Variants in PARD3B observed in about 807,000 individuals in gnomAD.
PARD3B encodes the protein par-3 family cell polarity regulator beta, also known as partitioning defective 3 homolog B.
Under a neutral mutation model 130.2 loss-of-function variants are expected in PARD3B, and 103 were observed. That is an observed-to-expected ratio of 0.79 (90% CI 0.67 to 0.93). PARD3B has a LOEUF of 0.93. PARD3B is among the 40% of genes least tolerant of loss of function. The probability of loss-of-function intolerance (pLI) is 0.00; values close to 1 mark genes in which losing one functional copy is unlikely to be tolerated. For missense variants in PARD3B, 1,609 were observed against 1,499.2 expected (o/e 1.07, Z -1.21); for synonymous variants, 583 against 553.2 (o/e 1.05, Z -0.76).
At chr2:205,354,543 C>G (rs576798752) in intron 18 of PARD3B, among the ~76,000 whole-genome samples, 1 of 152,082 alleles carries the variant, frequency 6.6e-6, no homozygotes, top group Non-Finnish European at 1.5e-5. Flanking sequence ...TTTCTGAACT[C>G]CTGGACTCAA....
intron 21 of PARD3B, among the ~76,000 whole-genome samples, chr2:205,527,838 AAC>A (rs2051406038): frequency 6.6e-6 from 1 of 152,234 alleles, no homozygotes; most frequent in African/African-American, 2.4e-5. Context: ...TCTTAGGAGT[AAC>A]ACAGAAGTTT....
chr2:204,747,000 T>C (rs576044340), intron 2 of PARD3B, among the ~76,000 whole-genome samples: 1 of 152,332 alleles, frequency 6.6e-6, no homozygotes, highest in East Asian at 1.9e-4. Flanking sequence ...CATTTGTCAA[T>C]TTTGGCTTTT....
Position 204,656,030 on chromosome 2 carries a change from A to C in PARD3B, c.121-30151A>C, listed in dbSNP as rs545979013. ...CTAGTCTGGGCCTTTTCTCATAGCA[A>C]AGGAAATGTTCTAAGAAGCAAGCAG... On this transcript the variant is annotated intron_variant, in intron 1 of 22. Transcript: ENST00000406610. Among the ~76,000 whole-genome samples the C allele has an allele frequency of 7.9e-5, 12 of 152,052 alleles. No individual in the cohort carries two copies. In the South Asian group the frequency reaches 1.9e-3, roughly 24 times the overall value.
At chr2:204,752,368 C>T (rs984254661) in intron 2 of PARD3B, among the ~76,000 whole-genome samples, 1 of 152,046 alleles carries the variant, frequency 6.6e-6, no homozygotes, top group African/African-American at 2.4e-5. Flanking sequence ...CATAAGTAAG[C>T]CCTCTGAAGT....
chr2:205,490,819 T>C (rs2049673793), intron 20 of PARD3B, among the ~76,000 whole-genome samples: 2 of 152,250 alleles, frequency 1.3e-5, no homozygotes, highest in South Asian at 4.1e-4. Flanking sequence ...TGGTGTGAGA[T>C]GGTATCTCAT....
intron 20 of PARD3B, among the ~76,000 whole-genome samples, chr2:205,453,038 G>A (rs2048158785): frequency 6.6e-6 from 1 of 152,194 alleles, no homozygotes; most frequent in East Asian, 1.9e-4. Context: ...GAAGAGGTTG[G>A]AAGGTATATG....
chr2:204,721,558 T>C (rs927724848), intron 2 of PARD3B, among the ~76,000 whole-genome samples: 1 of 152,160 alleles, frequency 6.6e-6, no homozygotes, highest in Non-Finnish European at 1.5e-5. Flanking sequence ...TTAAGAGCCA[T>C]TTATTTCTCA....
chr2:205,553,514 T>TAAA (rs1303111297), intron 22 of PARD3B, 111 bp downstream of exon 22: 1 of 1,041,676 alleles, frequency 9.6e-7, no homozygotes, highest in Admixed American at 2.2e-5. Flanking sequence ...GTTATAATTT[T>TAAA]GCCTTGCTGC....
At chr2:204,882,096 G>A (rs1427348792) in intron 2 of PARD3B, among the ~76,000 whole-genome samples, 1 of 152,088 alleles carries the variant, frequency 6.6e-6, no homozygotes, top group African/African-American at 2.4e-5. Flanking sequence ...ACCTGAACTG[G>A]AGCACAAAGC....
chr2:204,696,219 CA>C (rs2037603182), intron 2 of PARD3B, among the ~76,000 whole-genome samples: 1 of 151,862 alleles, frequency 6.6e-6, no homozygotes, highest in South Asian at 2.1e-4. Flanking sequence ...GTGAGAAAAA[CA>C]GCTGACCTTC....
chr2:204,820,071 C>A (rs1209137824), intron 2 of PARD3B, among the ~76,000 whole-genome samples: 1 of 98,422 alleles, frequency 1.0e-5, no homozygotes, highest in Non-Finnish European at 1.8e-5. Context: ...AAACAATAGA[C>A]TTTTTTTTTT....
intron 10 of PARD3B, among the ~76,000 whole-genome samples, chr2:205,152,154 T>C (rs1575972950): frequency 6.6e-6 from 1 of 152,210 alleles, no homozygotes; most frequent in African/African-American, 2.4e-5. Context: ...GGGCTTCCCT[T>C]TGTGGGTAAC....
intron 1 of PARD3B, among the ~76,000 whole-genome samples, chr2:204,583,425 T>G (rs2032666467): frequency 2.8e-5 from 3 of 107,728 alleles, no homozygotes; most frequent in South Asian, 3.7e-4. Context: ...AATTGAACAA[T>G]GAGATCACAT....
intron 3 of PARD3B, among the ~76,000 whole-genome samples, chr2:205,016,655 A>C (rs1198791735): frequency 1.3e-5 from 2 of 152,170 alleles, no homozygotes; most frequent in South Asian, 4.1e-4. Flanking sequence ...TTCTGAAAAT[A>C]TAGGTTTCCA....
At chr2:204,915,763 C>G (rs1005159068) in intron 2 of PARD3B, among the ~76,000 whole-genome samples, 1 of 152,168 alleles carries the variant, frequency 6.6e-6, no homozygotes, top group African/African-American at 2.4e-5. Context: ...CTAATTAATA[C>G]TCGAGGCACC....
At chr2:205,371,656 A>C (rs2044822352) in intron 18 of PARD3B, among the ~76,000 whole-genome samples, 1 of 152,190 alleles carries the variant, frequency 6.6e-6, no homozygotes, top group Non-Finnish European at 1.5e-5. Flanking sequence ...TCATCATCTC[A>C]AAAGCTTAAA....
At chr2:205,079,574 A>T (rs945604624) in intron 4 of PARD3B, among the ~76,000 whole-genome samples, 1 of 152,194 alleles carries the variant, frequency 6.6e-6, no homozygotes. Flanking sequence ...TCAAGACCTG[A>T]TCACCTCCCA....
At chr2:205,095,714 C>G (rs1018607466) in intron 4 of PARD3B, among the ~76,000 whole-genome samples, 1 of 152,066 alleles carries the variant, frequency 6.6e-6, no homozygotes, top group African/African-American at 2.4e-5. Context: ...CACCTGGTAT[C>G]AGCTTAAGTC....
At position 205,241,942 on chromosome 2, in the gene PARD3B, C is replaced by T. The variant is rs1219042871; in HGVS notation, c.2141-3836C>T. Among the ~76,000 whole-genome samples, 1 of 151,942 alleles carries T rather than the reference C, an allele frequency of 6.6e-6. No homozygotes were observed. Among genetic ancestry groups the T allele is most frequent in the Non-Finnish European group, 1.5e-5 (1 of 67,982 alleles). ...AAGTTGGTATTAATTATAACACTTG[C>T]CATTTAAAAAAAAACTTGGTGGCAT... On this transcript the variant is annotated intron_variant, in intron 15 of 22. Transcript: ENST00000406610. The surrounding 1 kb of genome is among the most constrained non-coding windows in gnomAD (Gnocchi z 4.2).
Sources: allele counts gnomAD v4.1 joint callset (sites outside exome capture counted in the v4.1 genomes callset), GRCh38; gene constraint gnomAD v4.1.1; non-coding constraint Gnocchi (gnomAD v3.1); transcripts MANE v1.5; gene names NCBI Gene and HGNC (gene_info 2026-07-23, HGNC 2026-07-21).